Variants in SMYD3 observed in about 807,000 individuals in gnomAD.
The protein encoded by SMYD3 is histone-lysine N-methyltransferase SMYD3.
In SMYD3, 36 loss-of-function variants were observed where a neutral mutation model predicts 57.7. The ratio of observed to expected loss-of-function variants is 0.62; its 90% CI spans 0.48 to 0.82. The LOEUF is 0.82. Among genes scored for constraint, SMYD3 ranks in the 40% least tolerant of loss-of-function variants. SMYD3 has a pLI of 0.00. For synonymous variants in SMYD3, 211 were observed against 195.0 expected (o/e 1.08, Z -0.68); for missense variants, 515 against 538.8 (o/e 0.96, Z 0.44).
intron 10 of SMYD3, among the ~76,000 whole-genome samples, chr1:245,811,090 G>A (rs1230151997): frequency 6.6e-6 from 1 of 152,212 alleles, no homozygotes; most frequent in South Asian, 2.1e-4. Context: ...ATTTGTAAGT[G>A]TGAAGGCTGT....
At chr1:246,014,700 A>C (rs1398727022) in intron 5 of SMYD3, among the ~76,000 whole-genome samples, 1 of 152,116 alleles carries the variant, frequency 6.6e-6, no homozygotes, top group Non-Finnish European at 1.5e-5. Context: ...TTCCTATTAA[A>C]ATACCCAGGA....
intron 5 of SMYD3, among the ~76,000 whole-genome samples, chr1:246,235,490 G>A (rs1049510548): frequency 6.6e-6 from 1 of 152,154 alleles, no homozygotes; most frequent in Non-Finnish European, 1.5e-5. Context: ...AAACACAGTT[G>A]TGGGTCTCAG....
intron 5 of SMYD3, among the ~76,000 whole-genome samples, chr1:245,989,929 T>C (rs1335331918): frequency 6.6e-6 from 1 of 152,242 alleles, no homozygotes; most frequent in Non-Finnish European, 1.5e-5. Context: ...ATATTACACA[T>C]ACCAAATACA....
intron 5 of SMYD3, among the ~76,000 whole-genome samples, chr1:246,125,322 T>C (rs1211238032): frequency 6.6e-6 from 1 of 152,188 alleles, no homozygotes; most frequent in Non-Finnish European, 1.5e-5. Context: ...GTTAATTTTA[T>C]CTGAAGAATA....
chr1:246,233,776 C>T lies in SMYD3; in HGVS notation c.531+93425G>A, dbSNP rs565232194. 1.5e-4 allele frequency among the ~76,000 whole-genome samples: 18 copies of T among 117,414 alleles called. 1 individual carries two copies. The highest frequency in any genetic ancestry group is 1.2e-4 in the Non-Finnish European group (7 of 58,996). 77.0% of individuals were successfully genotyped at this position (117,414 alleles called of 152,430 possible). On this transcript the variant is annotated intron_variant, in intron 5 of 11. Coordinates refer to ENST00000490107, the MANE Select transcript of SMYD3 (RefSeq NM_001167740.2). ...GAACATATACCACGCAGAGGAGAAA[C>T]GCTCCTTCAATTCACACTGTGATGA... is the stretch of plus-strand genomic sequence containing the variant.
chr1:245,951,913 C>A (rs2057666936), intron 5 of SMYD3, among the ~76,000 whole-genome samples: 1 of 152,136 alleles, frequency 6.6e-6, no homozygotes, highest in African/African-American at 2.4e-5. Flanking sequence ...CTCATTTCCC[C>A]CCTACATCTA....
intron 10 of SMYD3, among the ~76,000 whole-genome samples, chr1:245,834,975 G>A (rs1558402850): frequency 6.6e-6 from 1 of 152,118 alleles, no homozygotes; most frequent in Non-Finnish European, 1.5e-5. Flanking sequence ...ATGAGAAAGT[G>A]AACTTACAGA....
intron 5 of SMYD3, among the ~76,000 whole-genome samples, chr1:245,970,117 T>C (rs1210037548): frequency 6.6e-6 from 1 of 152,124 alleles, no homozygotes; most frequent in Non-Finnish European, 1.5e-5. Flanking sequence ...AACAGACGTA[T>C]AGACGAATGG....
chr1:246,213,987 G>A (rs1443160905), intron 5 of SMYD3, among the ~76,000 whole-genome samples: 2 of 152,076 alleles, frequency 1.3e-5, no homozygotes, highest in Admixed American at 1.3e-4. Flanking sequence ...TGACTCTCTC[G>A]TAACACCAAA....
chr1:246,467,940 C>G (rs977818576), intron 1 of SMYD3, among the ~76,000 whole-genome samples: 6 of 152,154 alleles, frequency 3.9e-5, no homozygotes. Flanking sequence ...GTGGGCAGAT[C>G]GCTTGAGCCC....
intron 5 of SMYD3, among the ~76,000 whole-genome samples, chr1:246,215,097 A>G (rs932634063): frequency 2.0e-5 from 3 of 152,170 alleles, no homozygotes; most frequent in African/African-American, 7.2e-5. Flanking sequence ...CATGTGGAAG[A>G]GAAGCTCATG....
chr1:245,900,219 AC>A (rs1013805418), intron 8 of SMYD3, among the ~76,000 whole-genome samples: 3 of 152,148 alleles, frequency 2.0e-5, no homozygotes, highest in Non-Finnish European at 2.9e-5. Context: ...TCCATTTAAC[AC>A]CTCTCTTTTC....
intron 8 of SMYD3, among the ~76,000 whole-genome samples, chr1:245,910,482 A>G (rs1203871250): frequency 6.6e-6 from 1 of 152,104 alleles, no homozygotes; most frequent in Non-Finnish European, 1.5e-5. Context: ...AATCCTGGAC[A>G]AAACGAACAA....
chr1:246,340,490 T>C (rs959022256), intron 2 of SMYD3, among the ~76,000 whole-genome samples: 1 of 152,056 alleles, frequency 6.6e-6, no homozygotes. Flanking sequence ...ACCACACCAG[T>C]GCTCAAAGAC....
chr1:246,418,248 C>A (rs965300900), intron 1 of SMYD3, among the ~76,000 whole-genome samples: 1 of 152,172 alleles, frequency 6.6e-6, no homozygotes, highest in African/African-American at 2.4e-5. Flanking sequence ...GATAAACCGA[C>A]AAATATTATA....
At chr1:245,952,850 T>C (rs12133869) in intron 5 of SMYD3, among the ~76,000 whole-genome samples, 95,998 of 152,028 alleles carry the variant, frequency 0.63, 34,447 homozygotes, top group Non-Finnish European at 0.83. Flanking sequence ...CCACATACCC[T>C]CAAGTGCATA....
chr1:246,311,089 G>C (rs1197520069), intron 5 of SMYD3, among the ~76,000 whole-genome samples: 1 of 152,220 alleles, frequency 6.6e-6, no homozygotes. Flanking sequence ...ATATTATTTT[G>C]TAATTGAAAA....
At chr1:246,040,439 G>A (rs773187487) in intron 5 of SMYD3, among the ~76,000 whole-genome samples, 3 of 152,162 alleles carry the variant, frequency 2.0e-5, no homozygotes, top group Non-Finnish European at 4.4e-5. Context: ...CTGACCCAAC[G>A]TCTCACTTCT....
At chr1:245,772,260 T>C (rs2046367712) in intron 10 of SMYD3, among the ~76,000 whole-genome samples, 2 of 152,258 alleles carry the variant, frequency 1.3e-5, no homozygotes, top group South Asian at 2.1e-4. Flanking sequence ...TTTTATCTAA[T>C]GCAATGAAAT....
Sources: gnomAD v4.1 joint callset for allele counts (sites outside exome capture counted in the v4.1 genomes callset) on GRCh38, gnomAD v4.1.1 for gene constraint, MANE v1.5 for transcripts, NCBI Gene and HGNC (gene_info 2026-07-23, HGNC 2026-07-21) for gene names.